Variants in PDE5A observed in about 807,000 individuals in gnomAD.
The protein encoded by PDE5A is cGMP-specific 3',5'-cyclic phosphodiesterase.
A neutral mutation model predicts 110.2 loss-of-function variants in PDE5A; 67 were observed. That is an observed-to-expected ratio of 0.61 (90% CI 0.50 to 0.75). The LOEUF is 0.75. PDE5A is among the 30% of genes least tolerant of loss of function. The pLI is 0.00. For synonymous variants in PDE5A, 328 were observed against 351.2 expected, an observed-to-expected ratio of 0.93 and a Z score of 0.74; for missense variants, 862 against 1,045.1, an observed-to-expected ratio of 0.82 and a Z score of 2.42.
chr4:119,597,947 A>G (rs1395129397), intron 2 of PDE5A, among the ~76,000 whole-genome samples: 3 of 152,106 alleles, frequency 2.0e-5, no homozygotes, highest in African/African-American at 7.2e-5. Flanking sequence ...AAACATGCTC[A>G]AAGTTATATG....
rs1232482623 is a variant in PDE5A at position 119,497,089 on chromosome 4, T to C, written c.*1512A>G. Reference sequence around the variant, plus strand: ...CGGGACATAGATGGAAAACACATTTTGGCGAAAGGTCCTTGAGAATGCTGG... The same window carrying C: ...CGGGACATAGATGGAAAACACATTTCGGCGAAAGGTCCTTGAGAATGCTGG... On this transcript the variant is annotated 3_prime_UTR_variant, in exon 21 of 21. Transcript: ENST00000354960. 2 of 152,134 alleles carry C rather than the reference T, an allele frequency of 1.3e-5. No individual in the cohort carries two copies. Among genetic ancestry groups the C allele is most frequent in the African/African-American group, 4.8e-5 (2 of 41,458 alleles). 9.4% of individuals were successfully genotyped at this position (152,134 alleles called of 1,614,324 possible).
Position 119,627,922 on chromosome 4 carries a change from C to T in PDE5A, c.152+598G>A. On this transcript the variant is annotated intron_variant, in intron 1 of 20. Coordinates refer to ENST00000354960, the MANE Select transcript of PDE5A (RefSeq NM_001083.4). This position sits in a 1 kb window ranked among gnomAD's most constrained non-coding sequence, Gnocchi z 4.6. Reference sequence around the variant, plus strand: ...CTACTTTTGGCGGCACAGCCTTCGGCGGAAAAGCGAGTGAAAGGAGGCGCG... The same window carrying T: ...CTACTTTTGGCGGCACAGCCTTCGGTGGAAAAGCGAGTGAAAGGAGGCGCG... 2.4e-6 allele frequency: 1 copy of T among 423,276 alleles called. No homozygotes were observed. Among genetic ancestry groups the T allele is most frequent in the Non-Finnish European group, 3.2e-6 (1 of 316,002 alleles). The allele number at this position is 423,276 out of a possible 1,614,324, so 26.2% of individuals were successfully genotyped here.
At chr4:119,542,717 G>T in intron 9 of PDE5A, 83 bp from the exon 10 acceptor site, 3 of 1,232,880 alleles carry the variant, frequency 2.4e-6, no homozygotes, top group Non-Finnish European at 3.5e-6. Flanking sequence ...CCCAAAGATT[G>T]TCTTACACTT....
chr4:119,618,705 T>TA (rs58781116), intron 1 of PDE5A, among the ~76,000 whole-genome samples: 71,171 of 151,582 alleles, frequency 0.47, 17,004 homozygotes, highest in South Asian at 0.63. Context: ...ACAACAAATG[T>TA]AAAAAAAATA....
intron 6 of PDE5A, among the ~76,000 whole-genome samples, chr4:119,561,049 A>C (rs1019025918): frequency 6.6e-6 from 1 of 152,230 alleles, no homozygotes; most frequent in East Asian, 1.9e-4. Context: ...TGAACCTGGG[A>C]GACCAAGGTT....
chr4:119,567,256 G>T, intron 3 of PDE5A, 112 bp from the exon 4 acceptor site: 1 of 750,556 alleles, frequency 1.3e-6, no homozygotes. Context: ...AATAACACTA[G>T]TCTACAAAAC....
intron 3 of PDE5A, among the ~76,000 whole-genome samples, chr4:119,583,668 T>G (rs997376072): frequency 6.6e-6 from 1 of 152,196 alleles, no homozygotes; most frequent in African/African-American, 2.4e-5. Context: ...GGTTATCAAC[T>G]GGCTTAATTA....
chr4:119,532,523 A>T (rs1331562095), intron 11 of PDE5A, among the ~76,000 whole-genome samples: 2 of 151,998 alleles, frequency 1.3e-5, no homozygotes, highest in Non-Finnish European at 2.9e-5. Context: ...CATTCACACA[A>T]CAAAAGGGAC....
At chr4:119,511,185 C>A (rs780559716) in intron 14 of PDE5A, 51 bp from the exon 15 acceptor site, 1 of 1,115,480 alleles carries the variant, frequency 9.0e-7, no homozygotes, top group Non-Finnish European at 1.4e-6. Flanking sequence ...CCTTAATATG[C>A]CATTTATCAG....
intron 15 of PDE5A, among the ~76,000 whole-genome samples, chr4:119,509,240 C>T (rs1446169082): frequency 6.6e-6 from 1 of 152,050 alleles, no homozygotes; most frequent in African/African-American, 2.4e-5. Context: ...AGAATTGGTT[C>T]CTCTGGAAGT....
rs551466997 is a variant in PDE5A, at chr4:119,573,287, C to G, written c.832-6143G>C. 9.2e-5 allele frequency among the ~76,000 whole-genome samples: 14 copies of G among 152,302 alleles called. No individual in the cohort carries two copies. In the South Asian group the frequency reaches 2.7e-3, roughly 29 times the overall value. On this transcript the variant is annotated intron_variant, in intron 3 of 20. Coordinates refer to ENST00000354960, the MANE Select transcript of PDE5A (RefSeq NM_001083.4). ...TTCAAAAAGATTACAGAAATTTATACCTTTACTAGCAAGGCCTAAGAGTCT... is the reference window on the plus strand; with the variant it reads ...TTCAAAAAGATTACAGAAATTTATAGCTTTACTAGCAAGGCCTAAGAGTCT...
chr4:119,560,666 C>T (rs1010898707), intron 6 of PDE5A, among the ~76,000 whole-genome samples: 6 of 152,104 alleles, frequency 3.9e-5, no homozygotes, highest in African/African-American at 1.4e-4. Context: ...ATTTTTTACA[C>T]TTATTGAAAA....
At chr4:119,581,592 A>T (rs1728590999) in intron 3 of PDE5A, among the ~76,000 whole-genome samples, 1 of 152,224 alleles carries the variant, frequency 6.6e-6, no homozygotes, top group African/African-American at 2.4e-5. Context: ...TCATGCATGA[A>T]AGCACAGATG....
At chr4:119,544,583 C>G (rs1360606605) in intron 9 of PDE5A, among the ~76,000 whole-genome samples, 2 of 152,184 alleles carry the variant, frequency 1.3e-5, no homozygotes, top group Non-Finnish European at 2.9e-5. Flanking sequence ...ATTTCATGCC[C>G]TTATCCTCAC....
chr4:119,549,071 CTTAT>C (rs1398223715), intron 9 of PDE5A: 1 of 151,784 alleles, frequency 6.6e-6, no homozygotes, highest in African/African-American at 2.4e-5. Context: ...AGATGAGCAG[CTTAT>C]CTCTCCATGT....
chr4:119,608,017 T>C (rs1729602093), intron 1 of PDE5A, among the ~76,000 whole-genome samples: 1 of 152,188 alleles, frequency 6.6e-6, no homozygotes, highest in Non-Finnish European at 1.5e-5. Flanking sequence ...AAACAAATAT[T>C]TGTCTAAATT....
At chr4:119,614,703 T>G (rs1302356607) in intron 1 of PDE5A, among the ~76,000 whole-genome samples, 5 of 152,186 alleles carry the variant, frequency 3.3e-5, no homozygotes, top group Non-Finnish European at 7.4e-5. Flanking sequence ...CATAATGTAT[T>G]GCATAGGGAC....
chr4:119,592,802 A>G (rs1729025573), intron 3 of PDE5A, among the ~76,000 whole-genome samples: 1 of 152,158 alleles, frequency 6.6e-6, no homozygotes, highest in Admixed American at 6.5e-5. Context: ...GCTTAGTGTA[A>G]GAGTCCAAGG....
chr4:119,623,236 A>G (rs10155235), intron 1 of PDE5A, among the ~76,000 whole-genome samples: 2,739 of 152,316 alleles, frequency 0.018, 83 homozygotes, highest in African/African-American at 0.062. Context: ...ATAGTGGCCA[A>G]CTGAATCTAC....
Sources: allele counts gnomAD v4.1 joint callset (sites outside exome capture counted in the v4.1 genomes callset), GRCh38; gene constraint gnomAD v4.1.1; non-coding constraint Gnocchi (gnomAD v3.1); transcripts MANE v1.5; gene names NCBI Gene and HGNC (gene_info 2026-07-23, HGNC 2026-07-21).